The following NUP54 variants were observed in gnomAD, a reference collection of about 807,000 sequenced individuals.
The protein encoded by NUP54 is nucleoporin 54.
In NUP54, 27 loss-of-function variants were observed where a neutral mutation model predicts 66.4. The observed-to-expected ratio is 0.41, with a 90% confidence interval of 0.30 to 0.56. NUP54 has a LOEUF of 0.56. Among genes scored for constraint, NUP54 ranks in the 20% least tolerant of loss-of-function variants. The pLI is 0.34. For missense variants in NUP54, 486 were observed against 596.3 expected (o/e 0.82, Z 1.93); for synonymous variants, 206 against 210.7 (o/e 0.98, Z 0.19).
chr4:76,135,469 A>AATATT (rs1225454941), intron 4 of NUP54, among the ~76,000 whole-genome samples: 17 of 152,332 alleles, frequency 1.1e-4, no homozygotes, highest in African/African-American at 4.1e-4. Flanking sequence ...CACTCAATAT[A>AATATT]CTTTTTGTTA....
intron 11 of NUP54, 31 bp from the exon 12 acceptor site, chr4:76,115,525 G>A (rs753045080): frequency 7.1e-6 from 11 of 1,545,344 alleles, no homozygotes; most frequent in Non-Finnish European, 2.6e-6. Flanking sequence ...ACATATTAAT[G>A]TATTAATTTC....
At chr4:76,146,110 A>T (rs1265802601) in intron 1 of NUP54, 1 of 452,448 alleles carries the variant, frequency 2.2e-6, no homozygotes, top group Non-Finnish European at 4.4e-6. Flanking sequence ...AACATCAAAA[A>T]TGTTTTAGTA....
intron 3 of NUP54, among the ~76,000 whole-genome samples, chr4:76,140,216 G>GGAA (rs1328176323): frequency 6.6e-6 from 1 of 150,626 alleles, no homozygotes; most frequent in African/African-American, 2.4e-5. Flanking sequence ...GTGGATAGAG[G>GGAA]GAGAAAAAAA....
chr4:76,117,822 A>G lies in NUP54; in HGVS notation c.1285-48T>C, dbSNP rs770995638. The G allele has an allele frequency of 4.3e-6, 6 of 1,410,318 alleles. No individual in the cohort carries two copies. In the South Asian group the frequency reaches 4.7e-5, roughly 11 times the overall value. 87.4% of individuals were successfully genotyped at this position (1,410,318 alleles called of 1,614,324 possible). A position where few individuals can be genotyped will look rare whatever the true frequency, so the allele number is the denominator to read the frequency against. ...ATTACAACTGCCGACGAAGACTTGT[A>G]AAAGACAATGTTTTCTTCTGAAAGG... is the stretch of plus-strand genomic sequence containing the variant. On this transcript the variant is annotated intron_variant, in intron 10 of 11. Transcript: ENST00000264883.
At chr4:76,124,545 C>T in intron 9 of NUP54, 104 bp downstream of exon 9, 2 of 439,596 alleles carry the variant, frequency 4.5e-6, no homozygotes, top group Non-Finnish European at 8.0e-6. Flanking sequence ...TCACATTATT[C>T]TTTCATTTTA....
chr4:76,134,287 T>C lies in NUP54; in HGVS notation c.598A>G (p.Thr200Ala), dbSNP rs769059511. 1.2e-6 allele frequency: 2 copies of C among 1,613,948 alleles called. No homozygotes were observed. The highest frequency in any genetic ancestry group is 1.7e-6 in the Non-Finnish European group (2 of 1,179,914). ...LVVLVFNKKETEIRSQQQQLV... is the reference protein window; with the variant it reads ...LVVLVFNKKEAEIRSQQQQLV... ...TGTTGTTGTTGGCTTCGAATCTCTG[T>C]TTCTTTTTTGTTGAAAACTAAAACC... The change falls in exon 5 of 12, where the codon ACA becomes GCA. Residue 200 changes from threonine to alanine, a missense_variant. Thr to Ala is a moderately conservative substitution (Grantham distance 58). This residue lies in a region of NUP54 where 217 missense variants were observed against 247.9 expected (regional missense o/e 0.88). Coordinates refer to ENST00000264883, the MANE Select transcript of NUP54 (RefSeq NM_017426.4).
At chr4:76,135,493 G>C (rs1208280522) in intron 4 of NUP54, among the ~76,000 whole-genome samples, 1 of 152,180 alleles carries the variant, frequency 6.6e-6, no homozygotes, top group Non-Finnish European at 1.5e-5. Context: ...ATGACACAAA[G>C]AGATGTTCTG....
In NUP54 at chr4:76,117,025, CTT is replaced by C. The variant is rs556455891; in HGVS notation, c.1395+637_1395+638del. Reference sequence around the variant, plus strand: ...GTTGTGCAATAATCAACACTATCCACTTTGTTTAGAACTTTTCATCTTCTCAA... The same window carrying C: ...GTTGTGCAATAATCAACACTATCCACTGTTTAGAACTTTTCATCTTCTCAA... On this transcript the variant is annotated intron_variant, in intron 11 of 11. Transcript: ENST00000264883. Among the ~76,000 whole-genome samples, 188 of 152,290 alleles carry C rather than the reference CTT, an allele frequency of 1.2e-3. 1 individual carries two copies. Among genetic ancestry groups the C allele is most frequent in the South Asian group, 4.8e-3 (23 of 4,822 alleles).
Position 76,126,125 on chromosome 4 carries a change from T to G in NUP54, c.1057-1369A>C, listed in dbSNP as rs1033945899. 2.0e-5 allele frequency among the ~76,000 whole-genome samples: 3 copies of G among 152,042 alleles called. No homozygotes were observed. The South Asian group carries it at 6.2e-4, about 32-fold the overall frequency. On this transcript the variant is annotated intron_variant, in intron 8 of 11. Coordinates refer to ENST00000264883, the MANE Select transcript of NUP54 (RefSeq NM_017426.4). Reference sequence around the variant, plus strand: ...GAATACTTGGAGGGAGTAATCAGAGTGCAGAGGAAAAGGAATGATATTAAT... The same window carrying G: ...GAATACTTGGAGGGAGTAATCAGAGGGCAGAGGAAAAGGAATGATATTAAT...
In NUP54 at chr4:76,124,675, T is replaced by C. The variant is rs755077237; in HGVS notation, c.1138A>G (p.Met380Val). 12 of 1,599,870 alleles carry C rather than the reference T, an allele frequency of 7.5e-6. No individual in the cohort carries two copies. Among genetic ancestry groups the C allele is most frequent in the East Asian group, 6.7e-5 (3 of 44,568 alleles). The change falls in exon 9 of 12, where the codon ATG becomes GTG. Residue 380 changes from methionine (M) to valine (V), a missense_variant. Transcript: ENST00000264883. ...TGTAAAGTTCTATGGGAAAGATCCA[T>C]GAGTTTCCTCTTGTATTGTGCAATT... ...AKIAQYKRKL[M>V]DLSHRTLQVL...
chr4:76,139,207 C>T (rs1328235453), intron 3 of NUP54, among the ~76,000 whole-genome samples: 1 of 152,034 alleles, frequency 6.6e-6, no homozygotes, highest in Non-Finnish European at 1.5e-5. Context: ...CTGATTGAGG[C>T]AATGATCATC....
chr4:76,120,846 T>C (rs1050779760), intron 9 of NUP54, among the ~76,000 whole-genome samples: 1 of 152,250 alleles, frequency 6.6e-6, no homozygotes, highest in Non-Finnish European at 1.5e-5. Flanking sequence ...CCTTTACACA[T>C]CTTTTGCCCA....
At chr4:76,130,571 A>G (rs1389157024) in intron 8 of NUP54, 85 bp downstream of exon 8, 1 of 856,878 alleles carries the variant, frequency 1.2e-6, no homozygotes, top group Non-Finnish European at 1.9e-6. Flanking sequence ...AAGATAAAAC[A>G]GTAGCACATA....
intron 8 of NUP54, among the ~76,000 whole-genome samples, chr4:76,124,999 G>GA (rs201361690): frequency 1.3e-5 from 2 of 151,962 alleles, no homozygotes; most frequent in African/African-American, 2.4e-5. Context: ...GCAATACATA[G>GA]AAAAAATAAG....
chr4:76,145,436 G>GT (rs1731454420), intron 1 of NUP54: 1 of 312,838 alleles, frequency 3.2e-6, no homozygotes, highest in African/African-American at 2.3e-5. Context: ...TGGCAGACTT[G>GT]TTGCCAGTTA....
chr4:76,120,499 G>C (rs1437718849), intron 9 of NUP54, among the ~76,000 whole-genome samples: 1 of 148,294 alleles, frequency 6.7e-6, no homozygotes, highest in Non-Finnish European at 1.5e-5. Flanking sequence ...CCGTGATCTT[G>C]GCTCACGGCA....
At chr4:76,127,432 CAAAAAAAA>C (rs59383944) in intron 8 of NUP54, among the ~76,000 whole-genome samples, 1 of 54,786 alleles carries the variant, frequency 1.8e-5, no homozygotes, top group African/African-American at 7.0e-5. Context: ...ACCCCCATCT[CAAAAAAAA>C]AAAAAAAAAA....
intron 9 of NUP54, 148 bp from the exon 10 acceptor site, chr4:76,118,342 C>T (rs1408074403): frequency 1.4e-6 from 1 of 690,716 alleles, no homozygotes; most frequent in East Asian, 2.7e-5. Context: ...ATGTTTCTGT[C>T]CATTTTAACT....
chr4:76,135,107 CAAAT>C (rs1454673855), intron 4 of NUP54, among the ~76,000 whole-genome samples: 1 of 152,008 alleles, frequency 6.6e-6, no homozygotes, highest in Non-Finnish European at 1.5e-5. Context: ...AAGTAATTTA[CAAAT>C]AAATACTTTT....
Sources: allele counts gnomAD v4.1 joint callset (sites outside exome capture counted in the v4.1 genomes callset), GRCh38; gene constraint gnomAD v4.1.1; regional missense constraint gnomAD v4.1.1; transcripts MANE v1.5; gene names NCBI Gene and HGNC (gene_info 2026-07-23, HGNC 2026-07-21).